PTPRT: variants seen among roughly 807,000 people sequenced by gnomAD.
The protein encoded by PTPRT is protein tyrosine phosphatase receptor type T, also known as receptor-type tyrosine-protein phosphatase T.
A neutral mutation model predicts 176.8 loss-of-function variants in PTPRT; 56 were observed. The observed-to-expected ratio is 0.32, with a 90% confidence interval of 0.26 to 0.40. The LOEUF (loss-of-function observed/expected upper bound fraction) is 0.40, where lower values mean the gene tolerates loss of function less well. Ranked by LOEUF, PTPRT falls within the 10% of genes least tolerant of loss-of-function variation. The pLI is 1.00. For synonymous variants in PTPRT, 783 were observed against 739.0 expected (o/e 1.06, Z -0.96); for missense variants, 1,540 against 1,908.2 (o/e 0.81, Z 3.60).
At chr20:42,447,099 G>A (rs990687732) in intron 9 of PTPRT, among the ~76,000 whole-genome samples, 2 of 151,954 alleles carry the variant, frequency 1.3e-5, no homozygotes, top group Non-Finnish European at 2.9e-5. Flanking sequence ...AATACTCCTT[G>A]ACTTTCCTCC....
At chr20:42,653,848 T>C (rs2075075749) in intron 7 of PTPRT, among the ~76,000 whole-genome samples, 1 of 152,204 alleles carries the variant, frequency 6.6e-6, no homozygotes, top group Admixed American at 6.5e-5. Context: ...TTTTGAACAG[T>C]AAATTTGACA....
intron 1 of PTPRT, among the ~76,000 whole-genome samples, chr20:43,150,090 G>A (rs2014300272): frequency 6.6e-6 from 1 of 152,134 alleles, no homozygotes; most frequent in Non-Finnish European, 1.5e-5. Context: ...TTAAAATTAG[G>A]AGATTTCCCA....
intron 13 of PTPRT, chr20:42,270,318 C>T: frequency 2.9e-6 from 4 of 1,366,350 alleles, no homozygotes; most frequent in Non-Finnish European, 1.0e-6. Flanking sequence ...GCTGATTCCT[C>T]TCTGGTGCAC....
intron 2 of PTPRT, among the ~76,000 whole-genome samples, chr20:42,880,558 T>C (rs559943139): frequency 6.6e-6 from 1 of 152,264 alleles, no homozygotes; most frequent in African/African-American, 2.4e-5. Flanking sequence ...GCCCCCAGGA[T>C]GCCCTCCTGC....
chr20:42,664,328 C>A (rs983208807), intron 7 of PTPRT, among the ~76,000 whole-genome samples: 1 of 152,126 alleles, frequency 6.6e-6, no homozygotes, highest in African/African-American at 2.4e-5. Context: ...AGTTTACTAA[C>A]CTGCTTTTTG....
intron 1 of PTPRT, among the ~76,000 whole-genome samples, chr20:42,890,941 T>G (rs2079181454): frequency 6.6e-6 from 1 of 152,230 alleles, no homozygotes; most frequent in Admixed American, 6.5e-5. Flanking sequence ...CTGATGATTT[T>G]TAAGGGGTTT....
intron 23 of PTPRT, among the ~76,000 whole-genome samples, chr20:42,109,316 G>C (rs77840657): frequency 1.8e-3 from 273 of 152,308 alleles, no homozygotes; most frequent in African/African-American, 5.2e-3. Flanking sequence ...TATTGGAAGA[G>C]AGAGGCGTTG....
chr20:42,209,242 A>G (rs943995794), intron 15 of PTPRT, among the ~76,000 whole-genome samples: 5 of 152,090 alleles, frequency 3.3e-5, no homozygotes, highest in African/African-American at 9.7e-5. Flanking sequence ...AAGAACTAGA[A>G]AAGCAAGAGC....
At chr20:43,148,703 T>C (rs2146415497) in intron 1 of PTPRT, among the ~76,000 whole-genome samples, 1 of 152,318 alleles carries the variant, frequency 6.6e-6, no homozygotes, top group Admixed American at 6.5e-5. Context: ...ATATGTGGGT[T>C]GATTTTTCAG....
rs188458667 is a variant in PTPRT at position 42,378,672 on chromosome 20, G to A, written c.1561-26387C>T. ...ATCACTGGAGGCAGCATTGTGCCAC[G>A]GTTAAGATACGGGCTCTAGGTTCAG... is the stretch of plus-strand genomic sequence containing the variant. On this transcript the variant is annotated intron_variant, in intron 9 of 30. Transcript: ENST00000373187. 1.2e-4 allele frequency among the ~76,000 whole-genome samples: 19 copies of A among 152,240 alleles called. No individual in the cohort carries two copies. The East Asian group carries it at 2.3e-3, about 19-fold the overall frequency.
intron 9 of PTPRT, among the ~76,000 whole-genome samples, chr20:42,434,038 A>G (rs1286875473): frequency 2.0e-5 from 3 of 152,226 alleles, no homozygotes; most frequent in Admixed American, 1.3e-4. Flanking sequence ...AATAGATTAC[A>G]CAGAAATGAG....
At chr20:42,336,707 CA>C (rs11481195) in intron 11 of PTPRT, among the ~76,000 whole-genome samples, 6 of 151,312 alleles carry the variant, frequency 4.0e-5, no homozygotes, top group Non-Finnish European at 8.9e-5. Flanking sequence ...TTATTTATAA[CA>C]AAAAAAACTG....
chr20:42,135,214 C>G (rs1988315977), intron 18 of PTPRT, among the ~76,000 whole-genome samples: 1 of 152,208 alleles, frequency 6.6e-6, no homozygotes, highest in African/African-American at 2.4e-5. Flanking sequence ...GTTACCACCT[C>G]CCCTGAGCCT....
chr20:42,395,047 C>T (rs1052643733), intron 9 of PTPRT, among the ~76,000 whole-genome samples: 1 of 152,156 alleles, frequency 6.6e-6, no homozygotes, highest in Non-Finnish European at 1.5e-5. Flanking sequence ...AGCAGTGACC[C>T]ATGCTAACTG....
intron 15 of PTPRT, among the ~76,000 whole-genome samples, chr20:42,203,720 A>C (rs1308460909): frequency 6.6e-6 from 1 of 152,242 alleles, no homozygotes; most frequent in Non-Finnish European, 1.5e-5. Context: ...CATGAAGACT[A>C]ATGGCAAAGA....
In PTPRT at chr20:42,892,636, C is replaced by T. The variant is rs6072898; in HGVS notation, c.89-6704G>A. ...AGGTGATCTGCCATGGATGAGGATA[C>T]GCAGAAACACCTGCTCCCTGATCCA... On this transcript the variant is annotated intron_variant, in intron 1 of 30. Coordinates refer to ENST00000373187, the MANE Select transcript of PTPRT (RefSeq NM_007050.6). Among the ~76,000 whole-genome samples, 509 of 152,144 alleles carry T rather than the reference C, an allele frequency of 3.3e-3. 3 individuals are homozygous for T. The highest frequency in any genetic ancestry group is 0.011 in the South Asian group (53 of 4,810).
chr20:43,061,087 AATGGATGGATGGATGGATGG>A (rs3030304), intron 1 of PTPRT, among the ~76,000 whole-genome samples: 4 of 149,912 alleles, frequency 2.7e-5, no homozygotes, highest in African/African-American at 9.8e-5. Flanking sequence ...CGGATAAATG[AATGGATGGATGGATGGATGG>A]ATGGATGGAT....
chr20:42,859,881 C>T (rs564288201), intron 2 of PTPRT, among the ~76,000 whole-genome samples: 23 of 152,056 alleles, frequency 1.5e-4, no homozygotes, highest in African/African-American at 5.1e-4. Flanking sequence ...CATGAGCCAC[C>T]GTGCCCAGCC....
At chr20:42,919,564 T>A (rs1309853447) in intron 1 of PTPRT, among the ~76,000 whole-genome samples, 1 of 152,234 alleles carries the variant, frequency 6.6e-6, no homozygotes, top group Non-Finnish European at 1.5e-5. Context: ...AAGCATAGAT[T>A]CACATCCATA....
Sources: gnomAD v4.1 joint callset for allele counts (sites outside exome capture counted in the v4.1 genomes callset) on GRCh38, gnomAD v4.1.1 for gene constraint, MANE v1.5 for transcripts, NCBI Gene and HGNC (gene_info 2026-07-23, HGNC 2026-07-21) for gene names.